The following MAPKAPK3 variants were observed in gnomAD, a reference collection of about 807,000 sequenced individuals.
The protein encoded by MAPKAPK3 is MAPK activated protein kinase 3, also known as MAP kinase-activated protein kinase 3.
A neutral mutation model predicts 49.2 loss-of-function variants in MAPKAPK3; 35 were observed. The observed-to-expected ratio is 0.71, with a 90% CI of 0.54 to 0.94. MAPKAPK3 has a LOEUF of 0.94. Ranked by LOEUF, MAPKAPK3 falls within the 40% of genes least tolerant of loss-of-function variation. The pLI, the probability that MAPKAPK3 is intolerant of heterozygous loss-of-function variation, is 0.00. For missense variants in MAPKAPK3, 398 were observed against 493.1 expected (o/e 0.81, Z 1.83); for synonymous variants, 178 against 188.7 (o/e 0.94, Z 0.46).
intron 2 of MAPKAPK3, among the ~76,000 whole-genome samples, chr3:50,634,582 G>A (rs1228491114): frequency 1.3e-5 from 2 of 151,700 alleles, no homozygotes; most frequent in African/African-American, 4.8e-5. Context: ...TCCACTTCCC[G>A]GGTTCAAGCC....
At chr3:50,627,184 CAAAAAAAAA>C (rs144747460) in intron 2 of MAPKAPK3, among the ~76,000 whole-genome samples, 3 of 91,322 alleles carry the variant, frequency 3.3e-5, no homozygotes, top group Non-Finnish European at 4.5e-5. Flanking sequence ...AACTCCATCT[CAAAAAAAAA>C]AAAAAAAAAA....
chr3:50,628,308 T>C (rs2032811634), intron 2 of MAPKAPK3, among the ~76,000 whole-genome samples: 2 of 152,178 alleles, frequency 1.3e-5, no homozygotes, highest in South Asian at 4.1e-4. Flanking sequence ...CTGTGTCAGC[T>C]ATGTGGGCAT....
intron 2 of MAPKAPK3, among the ~76,000 whole-genome samples, chr3:50,639,593 C>G (rs1231445444): frequency 6.6e-6 from 1 of 152,170 alleles, no homozygotes; most frequent in Non-Finnish European, 1.5e-5. Context: ...CATGCCCACT[C>G]CTGGAGAATC....
rs540307636 is a variant in MAPKAPK3, at chr3:50,648,047, C to T, written c.*1C>T. On this transcript the variant is annotated 3_prime_UTR_variant, in exon 11 of 11. Coordinates refer to ENST00000621469, the MANE Select transcript of MAPKAPK3 (RefSeq NM_001243925.2). ...CTCACAGGGCTGCAACAACCAGTAGCTCATGGGGCCTTGGAGGAGCCTGGC... is the reference window on the plus strand; with the variant it reads ...CTCACAGGGCTGCAACAACCAGTAGTTCATGGGGCCTTGGAGGAGCCTGGC... 1 of 1,611,424 alleles carries T rather than the reference C, an allele frequency of 6.2e-7. No homozygotes were observed. The highest frequency in any genetic ancestry group is 1.1e-5 in the South Asian group (1 of 90,756).
At chr3:50,640,551 G>A (rs2033155930) in intron 3 of MAPKAPK3, 46 bp downstream of exon 3, 15 of 1,557,112 alleles carry the variant, frequency 9.6e-6, no homozygotes, top group Non-Finnish European at 1.3e-5. Flanking sequence ...CATCCCTGTG[G>A]CCCTCAGGCT....
intron 5 of MAPKAPK3, 40 bp downstream of exon 5, chr3:50,642,372 G>T (rs746602711): frequency 5.4e-6 from 8 of 1,479,914 alleles, no homozygotes; most frequent in Non-Finnish European, 7.5e-6. Context: ...CGGGGAAGAG[G>T]ATATTGTCCC....
At chr3:50,636,491 C>T (rs745776530) in intron 2 of MAPKAPK3, among the ~76,000 whole-genome samples, 9 of 152,246 alleles carry the variant, frequency 5.9e-5, no homozygotes, top group East Asian at 1.9e-4. Context: ...GTGAAAAGGG[C>T]GATGACGTGA....
chr3:50,617,540 C>T lies in MAPKAPK3; in HGVS notation c.-26C>T, dbSNP rs770742107. The stretch of plus-strand genomic sequence containing the variant: ...TGCCACTAGAAGCGCCAGGCTGGGG[C>T]CGCCTCTGAGCGCCCCGCGGGGGCC... On this transcript the variant is annotated 5_prime_UTR_variant, in exon 2 of 11. Transcript: ENST00000621469. 7.5e-6 allele frequency: 9 copies of T among 1,197,036 alleles called. No individual in the cohort carries two copies. In the Admixed American group the frequency reaches 1.7e-4, roughly 23 times the overall value. 74.2% of individuals were successfully genotyped at this position (1,197,036 alleles called of 1,614,324 possible). A position where few individuals can be genotyped will look rare whatever the true frequency, so the allele number is the denominator to read the frequency against.
At position 50,624,722 on chromosome 3, in the gene MAPKAPK3, A is replaced by C. The variant is rs546835500; in HGVS notation, c.219+6938A>C. ...ATCTCTGGGTGGAGGCAGTAGTTGG[A>C]ACATCTGGCTCTGTAAGCCCGCAAC... On this transcript the variant is annotated intron_variant, in intron 2 of 10. Coordinates refer to ENST00000621469, the MANE Select transcript of MAPKAPK3 (RefSeq NM_001243925.2). Among the ~76,000 whole-genome samples, 5 of 152,204 alleles carry C rather than the reference A, an allele frequency of 3.3e-5. No homozygotes were observed. The South Asian group carries it at 1.0e-3, about 32-fold the overall frequency.
At chr3:50,614,360 G>A (rs1339064972), upstream of MAPKAPK3, among the ~76,000 whole-genome samples, 1 of 152,068 alleles carries the variant, frequency 6.6e-6, no homozygotes, top group African/African-American at 2.4e-5. Context: ...TGAACTTACT[G>A]CAAGATTCCC....
chr3:50,617,812 G>T (rs754733216), intron 2 of MAPKAPK3, 28 bp downstream of exon 2: 66 of 1,570,446 alleles, frequency 4.2e-5, no homozygotes, highest in Non-Finnish European at 5.4e-5. Context: ...GAGGCCTGGG[G>T]TATCCTGGAG....
chr3:50,636,528 T>C (rs2033044753), intron 2 of MAPKAPK3, among the ~76,000 whole-genome samples: 2 of 152,236 alleles, frequency 1.3e-5, no homozygotes, highest in South Asian at 2.1e-4. Flanking sequence ...TAGGAATGTT[T>C]TCTGTCTTGA....
intron 8 of MAPKAPK3, 21 bp from the exon 9 acceptor site, chr3:50,646,717 CCT>C: frequency 6.2e-7 from 1 of 1,604,486 alleles, no homozygotes. Flanking sequence ...TCATCTCTCC[CCT>C]CTCTTCCCTG....
At chr3:50,646,650 C>T in intron 8 of MAPKAPK3, 90 bp from the exon 9 acceptor site, 1 of 1,184,198 alleles carries the variant, frequency 8.4e-7, no homozygotes. Flanking sequence ...CATGCAGCCC[C>T]TGCCCCAGCA....
At chr3:50,642,153 G>C in intron 4 of MAPKAPK3, 100 bp from the exon 5 acceptor site, 1 of 802,876 alleles carries the variant, frequency 1.2e-6, no homozygotes, top group East Asian at 2.5e-5. Context: ...CTGTCTTCTT[G>C]TCTTGTGCTG....
exon 1 of MAPKAPK3, chr3:50,611,929 G>A (rs2032340628): frequency 4.5e-6 from 2 of 439,934 alleles, no homozygotes; most frequent in Admixed American, 8.9e-5. Context: ...TGGGGCCCGG[G>A]CGGGGTGCGC....
At chr3:50,647,242 G>A (rs375476117) in intron 10 of MAPKAPK3, 39 bp downstream of exon 10, 2 of 1,541,278 alleles carry the variant, frequency 1.3e-6, no homozygotes, top group African/African-American at 2.7e-5. Context: ...CAGGTGCCAG[G>A]ATTTGGGCAA....
rs559053072 is a variant in MAPKAPK3, at chr3:50,644,730, G to C, written c.628+198G>C. Among the ~76,000 whole-genome samples, 3 of 152,328 alleles carry C rather than the reference G, an allele frequency of 2.0e-5. No individual in the cohort carries two copies. In the South Asian group the frequency reaches 6.2e-4, roughly 32 times the overall value. Reference sequence around the variant, plus strand: ...CTCCCAAACTTCAGCTTCTGCTTTTGAAAATAGATCCAGGAAAATTCTGGC... The same window carrying C: ...CTCCCAAACTTCAGCTTCTGCTTTTCAAAATAGATCCAGGAAAATTCTGGC... On this transcript the variant is annotated intron_variant, in intron 6 of 10. Coordinates refer to ENST00000621469, the MANE Select transcript of MAPKAPK3 (RefSeq NM_001243925.2).
chr3:50,645,892 G>C, intron 7 of MAPKAPK3, 107 bp downstream of exon 7: 1 of 1,083,300 alleles, frequency 9.2e-7, no homozygotes, highest in Admixed American at 1.8e-5. Flanking sequence ...TGAGGAGCTT[G>C]TGTGTGTCAC....
Sources: gnomAD v4.1 joint callset for allele counts (sites outside exome capture counted in the v4.1 genomes callset) on GRCh38, gnomAD v4.1.1 for gene constraint, MANE v1.5 for transcripts, NCBI Gene and HGNC (gene_info 2026-07-23, HGNC 2026-07-21) for gene names.